Variants in PCMTD1 observed in about 807,000 individuals in gnomAD.
PCMTD1 encodes protein-L-isoaspartate O-methyltransferase domain-containing protein 1.
A neutral mutation model predicts 37.6 loss-of-function variants in PCMTD1; 12 were observed. That is an observed-to-expected ratio of 0.32 (90% CI 0.20 to 0.52). The LOEUF (loss-of-function observed/expected upper bound fraction) is 0.52. PCMTD1 is among the 20% of genes least tolerant of loss of function. The pLI, the probability that PCMTD1 is intolerant of heterozygous loss-of-function variation, is 0.97. For missense variants in PCMTD1, 235 were observed against 421.3 expected, an observed-to-expected ratio of 0.56 and a Z score of 3.87; for synonymous variants, 117 against 135.8, an observed-to-expected ratio of 0.86 and a Z score of 0.96.
chr8:51,898,827 C>G (rs2039051497), intron 1 of PCMTD1, 103 bp downstream of exon 1: 1 of 1,136,990 alleles, frequency 8.8e-7, no homozygotes, highest in Middle Eastern at 3.3e-4. Flanking sequence ...CTGCCGTCCC[C>G]CTGGCCCTCT....
chr8:51,869,124 T>C (rs963387307), intron 1 of PCMTD1, among the ~76,000 whole-genome samples: 1 of 152,168 alleles, frequency 6.6e-6, no homozygotes, highest in African/African-American at 2.4e-5. Context: ...TGATTATAAT[T>C]GATGTACACT....
At chr8:51,884,058 A>G (rs942500923) in intron 1 of PCMTD1, among the ~76,000 whole-genome samples, 23 of 152,216 alleles carry the variant, frequency 1.5e-4, no homozygotes, top group Admixed American at 1.5e-3. Context: ...GTTTCTTTTC[A>G]ATACATCCTA....
At chr8:51,858,860 T>C (rs1019475651) in intron 2 of PCMTD1, among the ~76,000 whole-genome samples, 21 of 152,282 alleles carry the variant, frequency 1.4e-4, no homozygotes, top group African/African-American at 3.6e-4. Context: ...ATCTAGTGCA[T>C]TGTAGATCAT....
upstream of PCMTD1, chr8:51,899,083 G>C (rs940563808): frequency 6.7e-7 from 1 of 1,487,324 alleles, no homozygotes; most frequent in Non-Finnish European, 8.9e-7. Flanking sequence ...AGAGCCTCCC[G>C]GACTCCGGAG....
chr8:51,830,674 T>C (rs554986511), intron 5 of PCMTD1, among the ~76,000 whole-genome samples: 2 of 152,304 alleles, frequency 1.3e-5, no homozygotes, highest in Non-Finnish European at 2.9e-5. Flanking sequence ...CTGGACCTTA[T>C]GCCTGATCTG....
intron 3 of PCMTD1, among the ~76,000 whole-genome samples, chr8:51,835,951 C>T (rs772947748): frequency 9.9e-5 from 15 of 152,156 alleles, no homozygotes; most frequent in Non-Finnish European, 1.6e-4. Context: ...GGCAAGTTAC[C>T]TTATACCACT....
At chr8:51,850,752 C>T (rs4324911) in intron 2 of PCMTD1, among the ~76,000 whole-genome samples, 104,588 of 152,034 alleles carry the variant, frequency 0.69, 42,404 homozygotes, top group Non-Finnish European at 0.9. Context: ...CAATGAGAAT[C>T]AAAATATAAA....
At chr8:51,829,734 C>T (rs1383668652) in intron 5 of PCMTD1, among the ~76,000 whole-genome samples, 2 of 152,100 alleles carry the variant, frequency 1.3e-5, no homozygotes, top group African/African-American at 4.8e-5. Context: ...CGTGCCACTG[C>T]ATTACGGCCT....
chr8:51,838,141 A>G (rs953634473), intron 3 of PCMTD1, among the ~76,000 whole-genome samples: 3 of 152,190 alleles, frequency 2.0e-5, no homozygotes, highest in Non-Finnish European at 4.4e-5. Flanking sequence ...CAATCAGGTT[A>G]TAGAGTGGCC....
chr8:51,846,642 C>CT (rs141429196), intron 2 of PCMTD1, among the ~76,000 whole-genome samples: 8,440 of 152,250 alleles, frequency 0.055, 264 homozygotes, highest in African/African-American at 0.085. Flanking sequence ...TTTTCAGTAT[C>CT]TTTAGGAAAT....
intron 1 of PCMTD1, among the ~76,000 whole-genome samples, chr8:51,877,710 T>C (rs962966114): frequency 2.6e-5 from 4 of 152,122 alleles, no homozygotes; most frequent in Non-Finnish European, 5.9e-5. Flanking sequence ...TGGACACTCA[T>C]CACATCAGTG....
At position 51,833,526 on chromosome 8, in the gene PCMTD1, C is replaced by G. The variant is rs766944771; in HGVS notation, c.574G>C (p.Glu192Gln). 1 of 1,610,734 alleles carries G rather than the reference C, an allele frequency of 6.2e-7. No homozygotes were observed. Among genetic ancestry groups the G allele is most frequent in the Non-Finnish European group, 8.5e-7 (1 of 1,178,270 alleles). The change falls in exon 4 of 6, where the codon GAG (glutamate) becomes CAG (glutamine). Residue 192 changes from glutamate to glutamine, a missense_variant. Glu to Gln is a conservative substitution (Grantham distance 29). Around this residue, in one of 3 missense-constraint regions of PCMTD1, gnomAD observed 183 missense variants for 349.3 expected, o/e 0.52. Coordinates refer to ENST00000522514, the MANE Select transcript of PCMTD1 (RefSeq NM_052937.4). The part of the protein sequence containing the change: ...KVGGILVMPI[E>Q]DQLTQIMRTG... The stretch of plus-strand genomic sequence containing the variant: ...AGGAGAGTGGAAGTTACCTGATCCT[C>G]TATAGGCATGACTAATATGCCTCCA...
In PCMTD1 at chr8:51,857,869, G is replaced by A. The variant is rs2038414161; in HGVS notation, c.307+2976C>T. On this transcript the variant is annotated intron_variant, in intron 2 of 5. Coordinates refer to ENST00000522514, the MANE Select transcript of PCMTD1 (RefSeq NM_052937.4). ...ATACAAAAATTAACCACGCGTGTTG[G>A]TACTACCAGCTACTCAGGAAGCTGA... Among the ~76,000 whole-genome samples the A allele has an allele frequency of 2.0e-5, 3 of 152,098 alleles. No individual in the cohort carries two copies. In the South Asian group the frequency reaches 6.2e-4, roughly 32 times the overall value.
In PCMTD1 at chr8:51,863,869, G is replaced by A. The variant is rs756683583; in HGVS notation, c.-95-2623C>T. 2.0e-5 allele frequency among the ~76,000 whole-genome samples: 3 copies of A among 151,438 alleles called. No individual in the cohort carries two copies. In the South Asian group the frequency reaches 6.2e-4, roughly 32 times the overall value. On this transcript the variant is annotated intron_variant, in intron 1 of 5. Coordinates refer to ENST00000522514, the MANE Select transcript of PCMTD1 (RefSeq NM_052937.4). The stretch of plus-strand genomic sequence containing the variant: ...TTGAACTTGGGAGGCAGAGATTGCA[G>A]TGAGCTGAGTTTGCACCACTGCACT...
chr8:51,880,527 TC>T (rs1211955581), intron 1 of PCMTD1, among the ~76,000 whole-genome samples: 1 of 152,202 alleles, frequency 6.6e-6, no homozygotes, highest in Non-Finnish European at 1.5e-5. Flanking sequence ...ACTGTAGTCT[TC>T]TCTACTCCCC....
intron 1 of PCMTD1, among the ~76,000 whole-genome samples, chr8:51,893,092 T>C (rs568665778): frequency 2.0e-5 from 3 of 152,340 alleles, no homozygotes; most frequent in East Asian, 3.9e-4. Context: ...TAAGGGCAGG[T>C]AGACTACAAA....
chr8:51,836,942 A>C (rs1266275365), intron 3 of PCMTD1, among the ~76,000 whole-genome samples: 1 of 152,220 alleles, frequency 6.6e-6, no homozygotes, highest in Non-Finnish European at 1.5e-5. Flanking sequence ...TAATAACTGG[A>C]GCTTCATGTT....
intron 2 of PCMTD1, among the ~76,000 whole-genome samples, chr8:51,857,947 G>A (rs543331791): frequency 2.0e-5 from 3 of 152,192 alleles, no homozygotes; most frequent in South Asian, 2.1e-4. Flanking sequence ...AGCCAAGACC[G>A]TGTCACCACG....
chr8:51,853,603 T>C (rs1047268007), intron 2 of PCMTD1, among the ~76,000 whole-genome samples: 5 of 152,176 alleles, frequency 3.3e-5, no homozygotes, highest in African/African-American at 7.2e-5. Context: ...CTTAGGAAGA[T>C]ATGTACATAC....
Sources: allele counts gnomAD v4.1 joint callset (sites outside exome capture counted in the v4.1 genomes callset), GRCh38; gene constraint gnomAD v4.1.1; regional missense constraint gnomAD v4.1.1; transcripts MANE v1.5; gene names NCBI Gene and HGNC (gene_info 2026-07-23, HGNC 2026-07-21).